ADAM12: variants seen among roughly 807,000 people sequenced by gnomAD.
ADAM12 encodes the protein ADAM metallopeptidase domain 12.
In ADAM12, 70 loss-of-function variants were observed where a neutral mutation model predicts 106.4. The observed-to-expected ratio is 0.66, with a 90% CI of 0.54 to 0.80. The LOEUF is 0.80. Among genes scored for constraint, ADAM12 ranks in the 30% least tolerant of loss-of-function variants. The pLI is 0.00. For missense variants in ADAM12, 1,010 were observed against 1,171.9 expected (o/e 0.86, Z 2.02); for synonymous variants, 420 against 433.5 (o/e 0.97, Z 0.39).
At chr10:126,227,467 G>A (rs1429853438) in intron 3 of ADAM12, among the ~76,000 whole-genome samples, 2 of 152,088 alleles carry the variant, frequency 1.3e-5, no homozygotes, top group African/African-American at 2.4e-5. Flanking sequence ...CTACATAGAC[G>A]ATCTCATTGA....
In ADAM12 at chr10:126,017,107, TAGAC is replaced by T. The variant is rs150555661; in HGVS notation, c.*168_*171del. On this transcript the variant is annotated 3_prime_UTR_variant, in exon 23 of 23. Transcript: ENST00000448723. ...AATAATTTACAAGTACCTGAGCAAG[TAGAC>T]AGAGCACCATAGCACAGCACAGCAC... The T allele has an allele frequency of 2.1e-3, 1,194 of 572,484 alleles. 7 individuals carry two copies. Among genetic ancestry groups the T allele is most frequent in the African/African-American group, 0.02 (1,049 of 53,174 alleles). 35.5% of individuals were successfully genotyped at this position (572,484 alleles called of 1,614,324 possible).
chr10:126,251,884 CAATGGATGGATGGGATGGATAG>C (rs1958777731), intron 3 of ADAM12, among the ~76,000 whole-genome samples: 2 of 14,884 alleles, frequency 1.3e-4, no homozygotes, highest in Non-Finnish European at 2.8e-4. Context: ...GGGATGGATG[CAATGGATGGATGGGATGGATAG>C]GATGGATGGA....
At position 126,251,727 on chromosome 10, in the gene ADAM12, A is replaced by G. The variant is rs1326347494; in HGVS notation, c.260+27188T>C. Among the ~76,000 whole-genome samples, 7 of 147,852 alleles carry G rather than the reference A, an allele frequency of 4.7e-5. No homozygotes were observed. In the East Asian group the frequency reaches 8.4e-4, roughly 18 times the overall value. Reference sequence around the variant, plus strand: ...GGATAGGATGGATGGATAGGATGGGATGGATGGATATGATGGATAGATTGG... The same window carrying G: ...GGATAGGATGGATGGATAGGATGGGGTGGATGGATATGATGGATAGATTGG... On this transcript the variant is annotated intron_variant, in intron 3 of 22. Transcript: ENST00000448723.
At chr10:126,125,451 G>T (rs897983320) in intron 5 of ADAM12, among the ~76,000 whole-genome samples, 4 of 151,862 alleles carry the variant, frequency 2.6e-5, no homozygotes, top group Non-Finnish European at 5.9e-5. Flanking sequence ...CACCATGTTG[G>T]CCAGGAGGGT....
chr10:126,061,665 C>T (rs947944815), intron 14 of ADAM12, among the ~76,000 whole-genome samples: 3 of 152,086 alleles, frequency 2.0e-5, no homozygotes, highest in Non-Finnish European at 4.4e-5. Context: ...CGGAGAGGGA[C>T]AGAGACTTGC....
chr10:126,258,717 T>C (rs1395250610), intron 3 of ADAM12, among the ~76,000 whole-genome samples: 2 of 152,202 alleles, frequency 1.3e-5, no homozygotes, highest in African/African-American at 4.8e-5. Context: ...ACTGCTTGCT[T>C]GGCCTGAAAC....
At chr10:126,030,112 T>C (rs552657304) in intron 21 of ADAM12, among the ~76,000 whole-genome samples, 3 of 152,218 alleles carry the variant, frequency 2.0e-5, no homozygotes, top group African/African-American at 7.2e-5. Flanking sequence ...CAAATAATGA[T>C]GTAGCCAGTG....
At chr10:126,319,862 G>A (rs1854035926) in intron 2 of ADAM12, among the ~76,000 whole-genome samples, 1 of 152,168 alleles carries the variant, frequency 6.6e-6, no homozygotes, top group Non-Finnish European at 1.5e-5. Flanking sequence ...GATCTAGCAA[G>A]AGCAGTCTTG....
At chr10:126,318,439 C>T (rs569749521) in intron 2 of ADAM12, among the ~76,000 whole-genome samples, 64 of 152,024 alleles carry the variant, frequency 4.2e-4, no homozygotes, top group Non-Finnish European at 5.9e-4. Context: ...GATACACTTT[C>T]ACATACATTC....
chr10:126,043,745 G>A lies in ADAM12; in HGVS notation c.1996-597C>T, dbSNP rs536954734. Among the ~76,000 whole-genome samples, 4 of 152,320 alleles carry A rather than the reference G, an allele frequency of 2.6e-5. No individual in the cohort carries two copies. Among genetic ancestry groups the A allele is most frequent in the East Asian group, 1.9e-4 (1 of 5,186 alleles). ...CTAATACTTCCTGAAGCCTGTCCCC[G>A]TGTGTCCTTCCTGCAACGCCTGCCT... On this transcript the variant is annotated intron_variant, in intron 17 of 22. Coordinates refer to ENST00000448723, the MANE Select transcript of ADAM12 (RefSeq NM_001288973.2). This position sits in a 1 kb window ranked among gnomAD's most constrained non-coding sequence, Gnocchi z 4.1.
At chr10:126,103,263 C>T (rs1199002841) in intron 8 of ADAM12, among the ~76,000 whole-genome samples, 1 of 152,144 alleles carries the variant, frequency 6.6e-6, no homozygotes, top group East Asian at 1.9e-4. Context: ...AAAATTAGTG[C>T]CATTGTTTGA....
At chr10:126,076,541 T>C (rs1352355956) in intron 11 of ADAM12, among the ~76,000 whole-genome samples, 1 of 152,200 alleles carries the variant, frequency 6.6e-6, no homozygotes, top group Non-Finnish European at 1.5e-5. Context: ...ATTTCTGACT[T>C]TTTAATAATC....
At position 126,017,751 on chromosome 10, in the gene ADAM12, G is replaced by A. The variant is rs141030933; in HGVS notation, c.2661-412C>T. 7.1e-3 allele frequency among the ~76,000 whole-genome samples: 1,074 copies of A among 152,258 alleles called. 15 individuals are homozygous for A. The highest frequency in any genetic ancestry group is 0.024 in the African/African-American group (999 of 41,526). ...CAAAATACAGTAAGACTTTTACCAGGCGCAACATGCCTAGCAGTCCCTGCA... is the reference window on the plus strand; with the variant it reads ...CAAAATACAGTAAGACTTTTACCAGACGCAACATGCCTAGCAGTCCCTGCA... On this transcript the variant is annotated intron_variant, in intron 22 of 22. Coordinates refer to ENST00000448723, the MANE Select transcript of ADAM12 (RefSeq NM_001288973.2).
chr10:126,062,500 C>G (rs775452163), intron 14 of ADAM12, among the ~76,000 whole-genome samples: 2 of 152,176 alleles, frequency 1.3e-5, no homozygotes, highest in Non-Finnish European at 2.9e-5. Flanking sequence ...TTTTGAAAAG[C>G]TCAGTCTGTG....
intron 6 of ADAM12, among the ~76,000 whole-genome samples, chr10:126,117,764 G>GGT (rs1251178574): frequency 7.8e-6 from 1 of 127,562 alleles, no homozygotes; most frequent in Admixed American, 8.2e-5. Flanking sequence ...AAGTTGGGGG[G>GGT]GCGTAATTTT....
chr10:126,239,604 C>T (rs72826384), intron 3 of ADAM12, among the ~76,000 whole-genome samples: 243 of 152,100 alleles, frequency 1.6e-3, no homozygotes, highest in Non-Finnish European at 2.8e-3. Flanking sequence ...TTATTTAGGT[C>T]GTTATTTCCT....
At chr10:126,073,700 T>C (rs1383914354) in intron 11 of ADAM12, among the ~76,000 whole-genome samples, 1 of 152,234 alleles carries the variant, frequency 6.6e-6, no homozygotes, top group African/African-American at 2.4e-5. Flanking sequence ...CTCTGGAGTA[T>C]ATTAATAATT....
intron 3 of ADAM12, among the ~76,000 whole-genome samples, chr10:126,267,288 C>T (rs1328142539): frequency 6.6e-6 from 1 of 152,162 alleles, no homozygotes; most frequent in Non-Finnish European, 1.5e-5. Context: ...TCATGGAAGA[C>T]AATTTTTCCA....
At chr10:126,256,490 AG>A (rs1431567698) in intron 3 of ADAM12, among the ~76,000 whole-genome samples, 1 of 152,118 alleles carries the variant, frequency 6.6e-6, no homozygotes, top group Non-Finnish European at 1.5e-5. Flanking sequence ...GCATTGATAG[AG>A]GTTCTACTAC....
Sources: allele counts gnomAD v4.1 joint callset (sites outside exome capture counted in the v4.1 genomes callset), GRCh38; gene constraint gnomAD v4.1.1; non-coding constraint Gnocchi (gnomAD v3.1); transcripts MANE v1.5; gene names NCBI Gene and HGNC (gene_info 2026-07-23, HGNC 2026-07-21).